The following CDK8 variants were observed in gnomAD, a reference collection of about 807,000 sequenced individuals.
CDK8 encodes the protein cyclin dependent kinase 8.
CDK8 carries 29 observed loss-of-function variants against 71.5 expected under a neutral mutation model. The ratio of observed to expected loss-of-function variants is 0.41; its 90% CI spans 0.30 to 0.55. The LOEUF (loss-of-function observed/expected upper bound fraction) is 0.55, where lower values mean the gene tolerates loss of function less well. Ranked by LOEUF, CDK8 falls within the 20% of genes least tolerant of loss-of-function variation. The probability of loss-of-function intolerance (pLI) is 0.37; values close to 1 mark genes in which losing one functional copy is unlikely to be tolerated. For missense variants in CDK8, 288 were observed against 572.6 expected (o/e 0.50, Z 5.07); for synonymous variants, 161 against 192.1 (o/e 0.84, Z 1.34).
chr13:26,349,591 A>G (rs1339467653), intron 3 of CDK8, among the ~76,000 whole-genome samples: 5 of 152,218 alleles, frequency 3.3e-5, no homozygotes, highest in Non-Finnish European at 7.4e-5. Context: ...CGAATATGCT[A>G]TCTTTGGAGA....
chr13:26,353,707 A>G (rs954097581), intron 3 of CDK8, 33 bp from the exon 4 acceptor site: 1 of 1,520,480 alleles, frequency 6.6e-7, no homozygotes, highest in African/African-American at 1.4e-5. Context: ...TCCTTTTTTT[A>G]AGCTTCTGTT....
At chr13:26,370,614 G>A (rs1467735584) in intron 4 of CDK8, among the ~76,000 whole-genome samples, 1 of 152,124 alleles carries the variant, frequency 6.6e-6, no homozygotes, top group East Asian at 1.9e-4. Context: ...AAAGAGTTCT[G>A]GCTCAGAAAT....
intron 1 of CDK8, among the ~76,000 whole-genome samples, chr13:26,270,206 A>T (rs1872237685): frequency 6.6e-6 from 1 of 152,010 alleles, no homozygotes; most frequent in Non-Finnish European, 1.5e-5. Context: ...CCTAATCAAC[A>T]TGTGAAACCC....
At chr13:26,298,460 A>C (rs1873667249) in intron 1 of CDK8, among the ~76,000 whole-genome samples, 2 of 152,156 alleles carry the variant, frequency 1.3e-5, no homozygotes, top group Non-Finnish European at 2.9e-5. Flanking sequence ...CTTCCGAGTA[A>C]GTGGAAAGAC....
At position 26,368,251 on chromosome 13, in the gene CDK8, C is replaced by G. The variant is rs565951165; in HGVS notation, c.456+14371C>G. Among the ~76,000 whole-genome samples the G allele has an allele frequency of 2.0e-5, 3 of 152,336 alleles. No individual in the cohort carries two copies. In the East Asian group the frequency reaches 5.8e-4, roughly 29 times the overall value. On this transcript the variant is annotated intron_variant, in intron 4 of 12. Coordinates refer to ENST00000381527, the MANE Select transcript of CDK8 (RefSeq NM_001260.3). Reference sequence around the variant, plus strand: ...ACTCTAATTCAGGCCACTTGGATTACTGCAGAAACTCCCCAGTGATCTTCC... The same window carrying G: ...ACTCTAATTCAGGCCACTTGGATTAGTGCAGAAACTCCCCAGTGATCTTCC...
At chr13:26,266,483 A>G (rs1032193836) in intron 1 of CDK8, among the ~76,000 whole-genome samples, 1 of 152,216 alleles carries the variant, frequency 6.6e-6, no homozygotes, top group Non-Finnish European at 1.5e-5. Flanking sequence ...TACTGGCTGT[A>G]CAGGGCAGCT....
At chr13:26,363,060 G>A (rs751514933) in intron 4 of CDK8, among the ~76,000 whole-genome samples, 1 of 148,630 alleles carries the variant, frequency 6.7e-6, no homozygotes, top group Non-Finnish European at 1.5e-5. Context: ...TATTTCTCAC[G>A]CCTGTAATCC....
chr13:26,322,100 A>G (rs1488924546), intron 1 of CDK8, among the ~76,000 whole-genome samples: 1 of 152,110 alleles, frequency 6.6e-6, no homozygotes, highest in Non-Finnish European at 1.5e-5. Flanking sequence ...ATATTTGCTT[A>G]CAGAGAAATG....
At chr13:26,349,931 A>G (rs1432645984) in intron 3 of CDK8, among the ~76,000 whole-genome samples, 1 of 152,216 alleles carries the variant, frequency 6.6e-6, no homozygotes, top group Non-Finnish European at 1.5e-5. Context: ...TTATAGTACC[A>G]TATTGTTACT....
intron 1 of CDK8, among the ~76,000 whole-genome samples, chr13:26,311,042 CTTTTTTT>C (rs59128256): frequency 1.5e-5 from 2 of 136,066 alleles, no homozygotes; most frequent in Non-Finnish European, 3.2e-5. Context: ...GCACCAATCT[CTTTTTTT>C]TTTTTTTTTT....
chr13:26,334,639 A>G (rs983942577), intron 1 of CDK8, among the ~76,000 whole-genome samples: 2 of 152,318 alleles, frequency 1.3e-5, no homozygotes, highest in Admixed American at 6.5e-5. Context: ...TTTCCCAAGT[A>G]AGGATTTGGC....
chr13:26,259,506 T>G (rs1401134882), intron 1 of CDK8, among the ~76,000 whole-genome samples: 1 of 152,158 alleles, frequency 6.6e-6, no homozygotes, highest in Non-Finnish European at 1.5e-5. Context: ...TATTAGAAAC[T>G]TGAGCATCTG....
At chr13:26,290,085 G>A (rs1405799677) in intron 1 of CDK8, among the ~76,000 whole-genome samples, 1 of 152,134 alleles carries the variant, frequency 6.6e-6, no homozygotes, top group African/African-American at 2.4e-5. Context: ...TGTATTAAAT[G>A]TGATTTCTTA....
At chr13:26,329,490 T>TG (rs1190133188) in intron 1 of CDK8, among the ~76,000 whole-genome samples, 9 of 150,692 alleles carry the variant, frequency 6.0e-5, no homozygotes, top group East Asian at 1.9e-4. Flanking sequence ...TTTGTTTTTT[T>TG]TTTGTTTGTT....
At chr13:26,375,970 C>T (rs1047136081) in intron 4 of CDK8, among the ~76,000 whole-genome samples, 5 of 152,194 alleles carry the variant, frequency 3.3e-5, no homozygotes, top group Non-Finnish European at 5.9e-5. Context: ...GTTAGGGTTA[C>T]TGCCAAAAAA....
At chr13:26,300,423 T>G (rs1196069483) in intron 1 of CDK8, among the ~76,000 whole-genome samples, 1 of 152,128 alleles carries the variant, frequency 6.6e-6, no homozygotes, top group African/African-American at 2.4e-5. Context: ...GGCACACCAT[T>G]TAAAACTTAT....
At position 26,336,502 on chromosome 13, in the gene CDK8, G is replaced by T. The variant is rs907093056; in HGVS notation, c.129-1065G>T. 3.3e-5 allele frequency among the ~76,000 whole-genome samples: 5 copies of T among 150,920 alleles called. No homozygotes were observed. The South Asian group carries it at 1.1e-3, about 32-fold the overall frequency. Reference sequence around the variant, plus strand: ...AATAAAGGGGTTCTGGGACCAAAAGGTTTGAGAACAGCCATTTAGGCCTCA... The same window carrying T: ...AATAAAGGGGTTCTGGGACCAAAAGTTTTGAGAACAGCCATTTAGGCCTCA... On this transcript the variant is annotated intron_variant, in intron 1 of 12. Transcript: ENST00000381527.
chr13:26,366,972 T>C (rs930851856), intron 4 of CDK8, among the ~76,000 whole-genome samples: 5 of 152,204 alleles, frequency 3.3e-5, no homozygotes, highest in African/African-American at 1.2e-4. Context: ...TAATTCTTGG[T>C]AATATGCGGG....
intron 9 of CDK8, 56 bp from the exon 10 acceptor site, chr13:26,400,397 C>A: frequency 9.6e-7 from 1 of 1,045,794 alleles, no homozygotes; most frequent in Non-Finnish European, 1.5e-6. Flanking sequence ...CACATATGTG[C>A]TGAAAGATAA....
Sources: gnomAD v4.1 joint callset for allele counts (sites outside exome capture counted in the v4.1 genomes callset) on GRCh38, gnomAD v4.1.1 for gene constraint, MANE v1.5 for transcripts, NCBI Gene and HGNC (gene_info 2026-07-23, HGNC 2026-07-21) for gene names.